Variants in DNAJC5B observed in about 807,000 individuals in gnomAD.
DNAJC5B encodes DnaJ heat shock protein family (Hsp40) member C5 beta, also known as dnaJ homolog subfamily C member 5B.
Under a neutral mutation model 24.7 loss-of-function variants are expected in DNAJC5B, and 23 were observed. The observed-to-expected ratio is 0.93, with a 90% CI of 0.67 to 1.32. The LOEUF is 1.32. DNAJC5B is among the 40% of genes most tolerant of loss of function. DNAJC5B has a pLI of 0.00. For missense variants in DNAJC5B, 238 were observed against 240.8 expected (o/e 0.99, Z 0.08); for synonymous variants, 101 against 90.1 (o/e 1.12, Z -0.68).
intron 2 of DNAJC5B, among the ~76,000 whole-genome samples, chr8:66,045,522 C>T (rs779140233): frequency 3.9e-5 from 6 of 152,004 alleles, no homozygotes; most frequent in Non-Finnish European, 5.9e-5. Context: ...TGTGTCTTCC[C>T]GGGTGTGAGT....
chr8:66,050,269 G>A (rs60806373), intron 2 of DNAJC5B, among the ~76,000 whole-genome samples: 2,473 of 152,284 alleles, frequency 0.016, 87 homozygotes, highest in African/African-American at 0.056. Flanking sequence ...CTGGGTGACA[G>A]TGACCAAAAC....
At chr8:66,091,533 A>G (rs1465336753) in intron 5 of DNAJC5B, among the ~76,000 whole-genome samples, 1 of 152,202 alleles carries the variant, frequency 6.6e-6, no homozygotes, top group Non-Finnish European at 1.5e-5. Context: ...ATGCCAGGCA[A>G]GGCAGGTAGA....
chr8:66,096,308 A>T (rs1248002221), intron 5 of DNAJC5B, among the ~76,000 whole-genome samples: 1 of 152,064 alleles, frequency 6.6e-6, no homozygotes, highest in Non-Finnish European at 1.5e-5. Flanking sequence ...CTCTTTAAAG[A>T]CCCTATCTCC....
chr8:66,029,387 G>A (rs866792871), intron 1 of DNAJC5B, among the ~76,000 whole-genome samples: 1 of 152,186 alleles, frequency 6.6e-6, no homozygotes, highest in Non-Finnish European at 1.5e-5. Flanking sequence ...ATGGCATTGG[G>A]AAGAAGTGGC....
chr8:66,043,681 A>G (rs1370132250), intron 2 of DNAJC5B, 70 bp downstream of exon 2: 1 of 152,172 alleles, frequency 6.6e-6, no homozygotes, highest in Non-Finnish European at 1.5e-5. Context: ...ACCAGTTGAA[A>G]ACAGCAAGTT....
chr8:66,019,913 A>G (rs1489690641), upstream of DNAJC5B, among the ~76,000 whole-genome samples: 1 of 152,268 alleles, frequency 6.6e-6, no homozygotes, highest in Non-Finnish European at 1.5e-5. Context: ...GGCAATAATT[A>G]TATTATTTTA....
In DNAJC5B at chr8:66,083,003, C is replaced by CTTTTTTTTTTTTTT. The variant is rs765749597; in HGVS notation, c.505+2466_505+2479dup. Reference sequence around the variant, plus strand: ...ATTTTGTAATATTTTCTTTTCTTTTCTTTTTTTTTTTTTTTTTTTTTTTTG... The same window carrying CTTTTTTTTTTTTTT: ...ATTTTGTAATATTTTCTTTTCTTTTCTTTTTTTTTTTTTTTTTTTTTTTTTTTTTTTTTTTTTTG... On this transcript the variant is annotated intron_variant, in intron 5 of 5. Transcript: ENST00000276570. Among the ~76,000 whole-genome samples the CTTTTTTTTTTTTTT allele has an allele frequency of 1.8e-4, 16 of 86,730 alleles. 1 individual carries two copies. Among genetic ancestry groups the CTTTTTTTTTTTTTT allele is most frequent in the Non-Finnish European group, 2.8e-4 (13 of 45,858 alleles). The allele number at this position is 86,730 out of a possible 152,430, so 56.9% of individuals were successfully genotyped here. A position where few individuals can be genotyped will look rare whatever the true frequency, so the allele number is the denominator to read the frequency against.
intron 1 of DNAJC5B, among the ~76,000 whole-genome samples, chr8:66,040,700 C>G (rs914078182): frequency 6.6e-6 from 1 of 152,110 alleles, no homozygotes; most frequent in African/African-American, 2.4e-5. Flanking sequence ...AAGCCCAGCC[C>G]CACTGAGCCA....
At chr8:66,046,310 A>G in intron 2 of DNAJC5B, among the ~76,000 whole-genome samples, 1 of 152,092 alleles carries the variant, frequency 6.6e-6, no homozygotes, top group East Asian at 1.9e-4. Flanking sequence ...GAGGGAAAAC[A>G]CTTGCCACCA....
At chr8:66,064,445 T>C (rs893541274) in intron 3 of DNAJC5B, among the ~76,000 whole-genome samples, 3 of 152,162 alleles carry the variant, frequency 2.0e-5, no homozygotes, top group African/African-American at 4.8e-5. Flanking sequence ...GGGTGCGAGC[T>C]GCTATTGAAA....
At chr8:66,091,952 A>G (rs1426534253) in intron 5 of DNAJC5B, among the ~76,000 whole-genome samples, 1 of 152,198 alleles carries the variant, frequency 6.6e-6, no homozygotes, top group Non-Finnish European at 1.5e-5. Flanking sequence ...TATATGAAAT[A>G]TTCAGAATAG....
intron 2 of DNAJC5B, among the ~76,000 whole-genome samples, chr8:66,049,412 A>AT (rs1424131697): frequency 6.6e-6 from 1 of 152,194 alleles, no homozygotes; most frequent in African/African-American, 2.4e-5. Context: ...AGGTGTACCA[A>AT]TTTTTATCTT....
chr8:66,029,462 A>T (rs529224013), intron 1 of DNAJC5B, among the ~76,000 whole-genome samples: 2 of 152,318 alleles, frequency 1.3e-5, no homozygotes, highest in South Asian at 4.1e-4. Flanking sequence ...ACTTTTAGCT[A>T]AAGATCAATG....
At position 66,094,617 on chromosome 8, in the gene DNAJC5B, T is replaced by A. The variant is rs536556220; in HGVS notation, c.506-5320T>A. On this transcript the variant is annotated intron_variant, in intron 5 of 5. Coordinates refer to ENST00000276570, the MANE Select transcript of DNAJC5B (RefSeq NM_033105.6). ...TTCTTCCCCTCCATCTCTTATCATT[T>A]TTTATTTTTTTTAAACCGCACCAAG... Among the ~76,000 whole-genome samples, 4 of 152,164 alleles carry A rather than the reference T, an allele frequency of 2.6e-5. No individual in the cohort carries two copies. In the South Asian group the frequency reaches 8.3e-4, roughly 32 times the overall value.
Position 66,078,701 on chromosome 8 carries a change from T to C in DNAJC5B, c.334-1676T>C, listed in dbSNP as rs187304660. On this transcript the variant is annotated intron_variant, in intron 4 of 5. Transcript: ENST00000276570. ...AGTGAGGTGGCGGGTGTTGTAGTTG[T>C]TTACAGAGTAATTTACCTAAGACTA... Among the ~76,000 whole-genome samples the C allele has an allele frequency of 2.5e-3, 380 of 152,282 alleles. 2 individuals carry two copies. Among genetic ancestry groups the C allele is most frequent in the Non-Finnish European group, 3.3e-3 (225 of 68,042 alleles).
chr8:66,070,290 G>A (rs1236309133), intron 3 of DNAJC5B, among the ~76,000 whole-genome samples: 2 of 152,192 alleles, frequency 1.3e-5, no homozygotes, highest in African/African-American at 2.4e-5. Flanking sequence ...CAGTTGACAT[G>A]ATTGTATATT....
upstream of DNAJC5B, among the ~76,000 whole-genome samples, chr8:66,017,281 T>G (rs919454601): frequency 2.0e-5 from 3 of 152,238 alleles, no homozygotes; most frequent in Non-Finnish European, 4.4e-5. Flanking sequence ...CCTGGAAATG[T>G]TTTATTGCAG....
chr8:66,055,804 T>C (rs1183232680), intron 3 of DNAJC5B, among the ~76,000 whole-genome samples: 1 of 152,008 alleles, frequency 6.6e-6, no homozygotes, highest in Non-Finnish European at 1.5e-5. Flanking sequence ...TAGCTGGGCG[T>C]GGTGACGCAT....
At chr8:66,066,700 T>G (rs1807203054) in intron 3 of DNAJC5B, among the ~76,000 whole-genome samples, 1 of 151,714 alleles carries the variant, frequency 6.6e-6, no homozygotes, top group East Asian at 1.9e-4. Context: ...CAGGGTGACA[T>G]AAGGGACTTC....
Sources: gnomAD v4.1 joint callset for allele counts (sites outside exome capture counted in the v4.1 genomes callset) on GRCh38, gnomAD v4.1.1 for gene constraint, MANE v1.5 for transcripts, NCBI Gene and HGNC (gene_info 2026-07-23, HGNC 2026-07-21) for gene names.